The following ATF7IP variants were observed in gnomAD, a reference collection of about 807,000 sequenced individuals.
The protein encoded by ATF7IP is activating transcription factor 7 interacting protein.
Under a neutral mutation model 106.4 loss-of-function variants are expected in ATF7IP, and 23 were observed. The observed-to-expected ratio is 0.22, with a 90% CI of 0.16 to 0.31. The LOEUF is 0.31. ATF7IP is among the 10% of genes least tolerant of loss of function. The probability of loss-of-function intolerance (pLI) is 1.00; values close to 1 mark genes in which losing one functional copy is unlikely to be tolerated. For missense variants in ATF7IP, 1,334 were observed against 1,524.3 expected (o/e 0.88, Z 2.08); for synonymous variants, 542 against 539.0 (o/e 1.01, Z -0.08).
At chr12:14,489,909 T>C (rs988516968) in intron 13 of ATF7IP, among the ~76,000 whole-genome samples, 1 of 152,186 alleles carries the variant, frequency 6.6e-6, no homozygotes, top group African/African-American at 2.4e-5. Context: ...ACCCATATCT[T>C]GAGTATATGT....
intron 1 of ATF7IP, among the ~76,000 whole-genome samples, chr12:14,388,657 C>T (rs1939381582): frequency 2.6e-5 from 4 of 151,910 alleles, no homozygotes; most frequent in African/African-American, 9.7e-5. Context: ...TTCTTTCTTT[C>T]TTTACTGGAG....
intron 1 of ATF7IP, chr12:14,385,202 A>G (rs1052391380): frequency 2.0e-6 from 1 of 493,272 alleles, no homozygotes; most frequent in Non-Finnish European, 3.6e-6. Context: ...AGGCTGACAA[A>G]GTGGGAGGGG....
At chr12:14,366,304 A>G (rs1565464341) in intron 1 of ATF7IP, among the ~76,000 whole-genome samples, 1 of 152,208 alleles carries the variant, frequency 6.6e-6, no homozygotes, top group Admixed American at 6.5e-5. Flanking sequence ...TTAAAGTATT[A>G]CTGGATTCAG....
chr12:14,389,732 A>G (rs915817857), intron 1 of ATF7IP, among the ~76,000 whole-genome samples: 11 of 152,080 alleles, frequency 7.2e-5, no homozygotes, highest in Non-Finnish European at 1.0e-4. Flanking sequence ...GGTTCAAGCA[A>G]TTCTCCTGCC....
At chr12:14,450,803 AATG>A (rs1365739789) in intron 6 of ATF7IP, among the ~76,000 whole-genome samples, 2 of 151,916 alleles carry the variant, frequency 1.3e-5, no homozygotes, top group African/African-American at 2.4e-5. Flanking sequence ...ATTATTTATT[AATG>A]ATTATTATTT....
chr12:14,425,618 A>T (rs1318060036), intron 2 of ATF7IP, 145 bp downstream of exon 2: 2 of 803,430 alleles, frequency 2.5e-6, no homozygotes, highest in Non-Finnish European at 3.6e-6. Flanking sequence ...TCTTAACTTC[A>T]TAGAATTCAG....
At chr12:14,442,131 C>G (rs969100048) in intron 5 of ATF7IP, among the ~76,000 whole-genome samples, 3 of 151,818 alleles carry the variant, frequency 2.0e-5, no homozygotes, top group African/African-American at 7.3e-5. Context: ...TGATTTTTTC[C>G]TGGTATATCA....
At chr12:14,409,071 A>G (rs1940769432) in intron 1 of ATF7IP, among the ~76,000 whole-genome samples, 1 of 152,110 alleles carries the variant, frequency 6.6e-6, no homozygotes, top group African/African-American at 2.4e-5. Context: ...GACACTTAAA[A>G]TGTATTAATT....
At chr12:14,438,388 G>A (rs920014742) in intron 5 of ATF7IP, 121 bp downstream of exon 5, 17 of 1,036,596 alleles carry the variant, frequency 1.6e-5, no homozygotes, top group Non-Finnish European at 2.2e-5. Flanking sequence ...AGAAGGAAAA[G>A]GAGTTTGTTT....
chr12:14,400,938 G>A (rs1249159798), intron 1 of ATF7IP, among the ~76,000 whole-genome samples: 1 of 151,828 alleles, frequency 6.6e-6, no homozygotes, highest in Admixed American at 6.6e-5. Flanking sequence ...GCCTGCTCAC[G>A]TTTCTGTATT....
intron 13 of ATF7IP, among the ~76,000 whole-genome samples, chr12:14,486,092 C>G: frequency 6.6e-6 from 1 of 152,202 alleles, no homozygotes; most frequent in East Asian, 1.9e-4. Flanking sequence ...TGTGGTGGTT[C>G]TGCCAGCTGC....
intron 1 of ATF7IP, among the ~76,000 whole-genome samples, chr12:14,396,371 C>T (rs1939841929): frequency 6.6e-6 from 1 of 151,918 alleles, no homozygotes; most frequent in Non-Finnish European, 1.5e-5. Context: ...TGATAGAAGC[C>T]ATACTCATGT....
chr12:14,456,535 T>C lies in ATF7IP; in HGVS notation c.1996-26T>C. 1.9e-6 allele frequency: 3 copies of C among 1,567,516 alleles called. No homozygotes were observed. The South Asian group carries it at 3.3e-5, about 17-fold the overall frequency. On this transcript the variant is annotated intron_variant, in intron 6 of 14. Coordinates refer to ENST00000261168, the MANE Select transcript of ATF7IP (RefSeq NM_018179.5). ...TTCCCTGTGTGTTGAGTTTTATTTT[T>C]ACCTTGATTTTTTTTTCTCCCCCAG...
intron 2 of ATF7IP, among the ~76,000 whole-genome samples, chr12:14,430,210 A>G (rs1274067728): frequency 6.6e-6 from 1 of 152,204 alleles, no homozygotes; most frequent in Admixed American, 6.5e-5. Context: ...AAGCCAAGTA[A>G]AAACACTGTT....
intron 1 of ATF7IP, among the ~76,000 whole-genome samples, chr12:14,367,115 A>C (rs1346409931): frequency 6.6e-6 from 1 of 152,126 alleles, no homozygotes; most frequent in African/African-American, 2.4e-5. Context: ...TTTTCCATAG[A>C]CTTCATTTGT....
At chr12:14,491,851 C>T (rs971841802) in intron 13 of ATF7IP, among the ~76,000 whole-genome samples, 1 of 152,188 alleles carries the variant, frequency 6.6e-6, no homozygotes, top group African/African-American at 2.4e-5. Context: ...TACAGTAATC[C>T]ACTGCCATTC....
chr12:14,404,031 A>T (rs928864341), intron 1 of ATF7IP, among the ~76,000 whole-genome samples: 3 of 151,152 alleles, frequency 2.0e-5, no homozygotes, highest in Admixed American at 6.6e-5. Flanking sequence ...TTTTTTTTTT[A>T]AATGCAGAGT....
chr12:14,480,898 C>G (rs1385108631), intron 12 of ATF7IP, 105 bp from the exon 13 acceptor site: 2 of 982,884 alleles, frequency 2.0e-6, no homozygotes, highest in East Asian at 4.9e-5. Flanking sequence ...CTGTTTCTGT[C>G]TTTATTAGTT....
At chr12:14,497,081 A>G (rs1945034567) in intron 14 of ATF7IP, among the ~76,000 whole-genome samples, 3 of 152,204 alleles carry the variant, frequency 2.0e-5, no homozygotes, top group African/African-American at 7.2e-5. Flanking sequence ...TTTTTGGCTG[A>G]AAGGTACATG....
Sources: allele counts gnomAD v4.1 joint callset (sites outside exome capture counted in the v4.1 genomes callset), GRCh38; gene constraint gnomAD v4.1.1; transcripts MANE v1.5; gene names NCBI Gene and HGNC (gene_info 2026-07-23, HGNC 2026-07-21).